Variants in ABCC2 observed in about 807,000 individuals in gnomAD.
The protein encoded by ABCC2 is ATP binding cassette subfamily C member 2, also known as ATP-binding cassette sub-family C member 2.
In ABCC2, 157 loss-of-function variants were observed where a neutral mutation model predicts 173.4. The ratio of observed to expected loss-of-function variants is 0.91; its 90% confidence interval spans 0.80 to 1.03. The LOEUF is 1.03. Among genes scored for constraint, ABCC2 ranks in the 50% least tolerant of loss-of-function variants. ABCC2 has a pLI of 0.00. For missense variants in ABCC2, 1,822 were observed against 1,852.3 expected (o/e 0.98, Z 0.30); for synonymous variants, 657 against 693.5 (o/e 0.95, Z 0.83).
At position 99,792,491 on chromosome 10, in the gene ABCC2, G is replaced by A. The variant is rs142846662; in HGVS notation, c.333+132G>A. 3 of 1,416,996 alleles carry A rather than the reference G, an allele frequency of 2.1e-6. No individual in the cohort carries two copies. In the African/African-American group the frequency reaches 4.3e-5, roughly 20 times the overall value. 87.8% of individuals were successfully genotyped at this position (1,416,996 alleles called of 1,614,324 possible). A position where few individuals can be genotyped will look rare whatever the true frequency, so the allele number is the denominator to read the frequency against. On this transcript the variant is annotated intron_variant, in intron 3 of 31. Coordinates refer to ENST00000647814, the MANE Select transcript of ABCC2 (RefSeq NM_000392.5). ...TTCGCGGGATCCATAGTGAGGCAAAGCTTGGTTGGAATGGGGTGAAACAAA... is the reference window on the plus strand; with the variant it reads ...TTCGCGGGATCCATAGTGAGGCAAAACTTGGTTGGAATGGGGTGAAACAAA...
intron 3 of ABCC2, among the ~76,000 whole-genome samples, chr10:99,792,596 T>G (rs2037828392): frequency 1.3e-5 from 2 of 152,214 alleles, no homozygotes; most frequent in South Asian, 2.1e-4. Flanking sequence ...ATGACTAAGA[T>G]GTATATCTTA....
intron 20 of ABCC2, 34 bp downstream of exon 20, chr10:99,830,467 G>C (rs2038719545): frequency 6.2e-7 from 1 of 1,613,964 alleles, no homozygotes; most frequent in Non-Finnish European, 8.5e-7. Flanking sequence ...GCCCTCGTCA[G>C]CTCTATATTT....
rs766408710 is a variant in ABCC2 at position 99,831,787 on chromosome 10, G to A, written c.3060G>A (p.Arg1020=). The A allele has an allele frequency of 1.9e-5, 30 of 1,614,056 alleles. No homozygotes were observed. The highest frequency in any genetic ancestry group is 2.2e-5 in the Non-Finnish European group (26 of 1,180,030). Reference sequence around the variant, plus strand: ...GCACCGACTATCCAGCATCTCAGAGGGACATGAGAGTTGGAGTCTACGGAG... The same window carrying A: ...GCACCGACTATCCAGCATCTCAGAGAGACATGAGAGTTGGAGTCTACGGAG... The part of the protein sequence containing the change: ...FNSTDYPASQ[R]DMRVGVYGAL... Residue 1020 remains arginine (R), a synonymous_variant, in exon 22 of 32, where the codon AGG becomes AGA. Coordinates refer to ENST00000647814, the MANE Select transcript of ABCC2 (RefSeq NM_000392.5).
At chr10:99,782,983 G>A in intron 1 of ABCC2, 106 bp downstream of exon 1, 1 of 1,100,356 alleles carries the variant, frequency 9.1e-7, no homozygotes, top group Non-Finnish European at 1.4e-6. Context: ...TGTTAGATGT[G>A]CAATTGGTCT....
At chr10:99,825,933 G>A (rs2038631229) in intron 19 of ABCC2, among the ~76,000 whole-genome samples, 1 of 152,256 alleles carries the variant, frequency 6.6e-6, no homozygotes, top group African/African-American at 2.4e-5. Flanking sequence ...AGGAACAAAT[G>A]GCTGAATTGG....
chr10:99,814,348 C>T lies in ABCC2; in HGVS notation c.2094+1204C>T, dbSNP rs557341656. Among the ~76,000 whole-genome samples, 64 of 138,630 alleles carry T rather than the reference C, an allele frequency of 4.6e-4. 7 individuals are homozygous for T. Among genetic ancestry groups the T allele is most frequent in the African/African-American group, 1.6e-3 (59 of 37,832 alleles). The allele number at this position is 138,630 out of a possible 152,430, so 90.9% of individuals were successfully genotyped here. A position where few individuals can be genotyped will look rare whatever the true frequency, so the allele number is the denominator to read the frequency against. On this transcript the variant is annotated intron_variant, in intron 16 of 31. Transcript: ENST00000647814. The stretch of plus-strand genomic sequence containing the variant: ...ATGTATACACACATGTATATATACA[C>T]ACGTATGTATACACACATGTATATA...
intron 30 of ABCC2, 120 bp from the exon 31 acceptor site, chr10:99,850,482 C>T: frequency 9.9e-7 from 1 of 1,009,198 alleles, no homozygotes; most frequent in Non-Finnish European, 1.5e-6. Context: ...CCAAACATTC[C>T]AGGGGAATTT....
chr10:99,818,130 G>A (rs745359733), intron 17 of ABCC2, among the ~76,000 whole-genome samples: 2 of 152,052 alleles, frequency 1.3e-5, no homozygotes, highest in Non-Finnish European at 2.9e-5. Flanking sequence ...GGCTGAGACA[G>A]GAGAATTGCT....
rs200606989 is a variant in ABCC2, at chr10:99,818,959, T to C, written c.2439+2T>C. 1.6e-5 allele frequency: 26 copies of C among 1,613,222 alleles called. No homozygotes were observed. The East Asian group carries it at 5.4e-4, about 33-fold the overall frequency. The stretch of plus-strand genomic sequence containing the variant: ...CCCAATGGCCTGTTGAAAGGCAAGG[T>C]GAGAAATCATTGAACATGATGAAGA... On this transcript the variant is annotated splice_donor_variant, in intron 18 of 31. Coordinates refer to ENST00000647814, the MANE Select transcript of ABCC2 (RefSeq NM_000392.5). LOFTEE classifies it high-confidence loss of function.
chr10:99,845,293 G>A (rs1006711323), intron 28 of ABCC2, among the ~76,000 whole-genome samples: 9 of 152,028 alleles, frequency 5.9e-5, no homozygotes, highest in Non-Finnish European at 8.8e-5. Context: ...TTGGCCTCCC[G>A]AAGTGCTGGG....
At chr10:99,806,065 C>G (rs946918616) in intron 11 of ABCC2, among the ~76,000 whole-genome samples, 1 of 96,282 alleles carries the variant, frequency 1.0e-5, no homozygotes, top group Non-Finnish European at 2.0e-5. Context: ...ACTACAGTCT[C>G]TCTCTCTCTG....
At chr10:99,805,049 A>C (rs2038076809) in intron 10 of ABCC2, among the ~76,000 whole-genome samples, 1 of 152,218 alleles carries the variant, frequency 6.6e-6, no homozygotes, top group South Asian at 2.1e-4. Context: ...GGGAGTGGAC[A>C]TTTAAGCTGA....
At chr10:99,842,471 T>A (rs1275784213) in intron 26 of ABCC2, among the ~76,000 whole-genome samples, 1 of 152,182 alleles carries the variant, frequency 6.6e-6, no homozygotes, top group Non-Finnish European at 1.5e-5. Context: ...TGTGTTTATT[T>A]TTCTTAGATC....
intron 6 of ABCC2, among the ~76,000 whole-genome samples, chr10:99,796,704 A>G (rs2037918588): frequency 6.6e-6 from 1 of 151,986 alleles, no homozygotes; most frequent in Non-Finnish European, 1.5e-5. Flanking sequence ...ACAAAAAACA[A>G]ACAACAACAA....
intron 19 of ABCC2, among the ~76,000 whole-genome samples, chr10:99,821,029 G>A (rs1265359839): frequency 6.6e-6 from 1 of 152,174 alleles, no homozygotes; most frequent in Non-Finnish European, 1.5e-5. Context: ...ATGTGTCAGG[G>A]TCACAAGACA....
At chr10:99,796,089 A>G (rs1181436621) in intron 6 of ABCC2, among the ~76,000 whole-genome samples, 2 of 152,192 alleles carry the variant, frequency 1.3e-5, no homozygotes, top group Non-Finnish European at 2.9e-5. Flanking sequence ...GTGGCTGGAC[A>G]TAGTGGCTCA....
rs777983705 is a variant in ABCC2, at chr10:99,832,020, C to T, written c.3147C>T (p.Phe1049=). ...CACATTTCTGGAGTGCCTTTGGTTT[C>T]GTCCATGCATCAAATATCTTGCACA... The part of the protein sequence containing the change: ...FIAHFWSAFG[F]VHASNILHKQ... Residue 1049 remains phenylalanine, a synonymous_variant, in exon 23 of 32, where the codon TTC becomes TTT. Coordinates refer to ENST00000647814, the MANE Select transcript of ABCC2 (RefSeq NM_000392.5). 6.9e-5 allele frequency: 111 copies of T among 1,614,070 alleles called. No homozygotes were observed. The highest frequency in any genetic ancestry group is 9.1e-5 in the Non-Finnish European group (107 of 1,180,036).
chr10:99,813,709 C>CAA (rs60992748), intron 16 of ABCC2, among the ~76,000 whole-genome samples: 2 of 135,520 alleles, frequency 1.5e-5, no homozygotes, highest in Middle Eastern at 4.0e-3. Flanking sequence ...GACTCTGTCT[C>CAA]AAAAAAAAAA....
In ABCC2 at chr10:99,814,274, C is replaced by T. The variant is rs1221091237; in HGVS notation, c.2094+1130C>T. On this transcript the variant is annotated intron_variant, in intron 16 of 31. Transcript: ENST00000647814. ...GTATGTATACACACGTATGTATACA[C>T]ACGTATGTATACACACACGTATGTA... Among the ~76,000 whole-genome samples the T allele has an allele frequency of 1.8e-3, 129 of 72,588 alleles. 13 individuals carry two copies. The highest frequency in any genetic ancestry group is 7.3e-3 in the African/African-American group (114 of 15,528). The allele number at this position is 72,588 out of a possible 152,430, so 47.6% of individuals were successfully genotyped here. A position where few individuals can be genotyped will look rare whatever the true frequency, so the allele number is the denominator to read the frequency against.
Sources: gnomAD v4.1 joint callset for allele counts (sites outside exome capture counted in the v4.1 genomes callset) on GRCh38, gnomAD v4.1.1 for gene constraint, MANE v1.5 for transcripts, NCBI Gene and HGNC (gene_info 2026-07-23, HGNC 2026-07-21) for gene names.